PKN2: variants seen among roughly 807,000 people sequenced by gnomAD.
PKN2 encodes the protein serine/threonine-protein kinase N2.
A neutral mutation model predicts 119.1 loss-of-function variants in PKN2; 38 were observed. That is an observed-to-expected ratio of 0.32 (90% CI 0.25 to 0.42). The LOEUF (loss-of-function observed/expected upper bound fraction) is 0.42. Ranked by LOEUF, PKN2 falls within the 10% of genes least tolerant of loss-of-function variation. The probability of loss-of-function intolerance (pLI) is 1.00; values close to 1 mark genes in which losing one functional copy is unlikely to be tolerated. For missense variants in PKN2, 850 were observed against 1,165.1 expected (o/e 0.73, Z 3.94); for synonymous variants, 390 against 384.9 (o/e 1.01, Z -0.15).
rs572829041 is a variant in PKN2, at chr1:88,709,727, A to G, written c.48+25099A>G. Among the ~76,000 whole-genome samples, 4 of 152,332 alleles carry G rather than the reference A, an allele frequency of 2.6e-5. No homozygotes were observed. In the East Asian group the frequency reaches 7.7e-4, roughly 29 times the overall value. On this transcript the variant is annotated intron_variant, in intron 1 of 21. Coordinates refer to ENST00000370521, the MANE Select transcript of PKN2 (RefSeq NM_006256.4). The stretch of plus-strand genomic sequence containing the variant: ...TGAACAAAAGAACAGCATACATGTT[A>G]TTATTTATTCAAATTGTGTATTACT...
intron 1 of PKN2, among the ~76,000 whole-genome samples, chr1:88,713,657 C>T (rs1159821098): frequency 1.3e-5 from 2 of 152,040 alleles, no homozygotes; most frequent in African/African-American, 4.8e-5. Context: ...TGTTTAAGTT[C>T]TTTGTAGATT....
intron 1 of PKN2, among the ~76,000 whole-genome samples, chr1:88,720,458 ATTG>A (rs879647229): frequency 3.9e-5 from 6 of 152,034 alleles, no homozygotes; most frequent in East Asian, 1.9e-4. Context: ...GTTTGTCTCT[ATTG>A]TTGTCTTCAG....
At chr1:88,804,795 AT>A (rs1403617445) in intron 9 of PKN2, 50 bp from the exon 10 acceptor site, 1 of 1,016,750 alleles carries the variant, frequency 9.8e-7, no homozygotes, top group South Asian at 1.4e-5. Context: ...AATTTAGTAG[AT>A]TTCATGAACC....
chr1:88,788,796 T>C (rs1436810679), intron 8 of PKN2, among the ~76,000 whole-genome samples: 3 of 152,186 alleles, frequency 2.0e-5, no homozygotes, highest in African/African-American at 4.8e-5. Flanking sequence ...GTGTTCTTTC[T>C]ATTCTGTCGG....
chr1:88,826,709 A>G (rs1358004926), intron 18 of PKN2, among the ~76,000 whole-genome samples: 2 of 152,154 alleles, frequency 1.3e-5, no homozygotes, highest in African/African-American at 4.8e-5. Context: ...AACCTCCCAC[A>G]GTTAACAAAT....
intron 17 of PKN2, among the ~76,000 whole-genome samples, chr1:88,822,854 C>A (rs112526844): frequency 2.6e-5 from 4 of 151,992 alleles, no homozygotes; most frequent in African/African-American, 9.7e-5. Flanking sequence ...GCTGGGATTA[C>A]AGTTGTGAGC....
At chr1:88,757,456 AAT>A (rs1241044140) in intron 2 of PKN2, among the ~76,000 whole-genome samples, 6 of 152,208 alleles carry the variant, frequency 3.9e-5, no homozygotes, top group African/African-American at 1.4e-4. Flanking sequence ...AACAAATTAT[AAT>A]TGCATGTGTT....
Position 88,734,159 on chromosome 1 carries a change from T to TAA in PKN2, c.49-6812_49-6811dup, listed in dbSNP as rs79679723. Among the ~76,000 whole-genome samples, 1,249 of 140,582 alleles carry TAA rather than the reference T, an allele frequency of 8.9e-3. 17 individuals carry two copies. The highest frequency in any genetic ancestry group is 0.031 in the African/African-American group (1,186 of 38,604). 92.2% of individuals were successfully genotyped at this position (140,582 alleles called of 152,430 possible). On this transcript the variant is annotated intron_variant, in intron 1 of 21. Transcript: ENST00000370521. Reference sequence around the variant, plus strand: ...GGGTAACAGAGTGAGACCCTATCTTTAAAAAAAAAAAAAAAAAATTTGGAG... The same window carrying TAA: ...GGGTAACAGAGTGAGACCCTATCTTTAAAAAAAAAAAAAAAAAAAATTTGGAG...
At position 88,692,785 on chromosome 1, in the gene PKN2, T is replaced by C. The variant is rs371647826; in HGVS notation, c.48+8157T>C. Among the ~76,000 whole-genome samples, 5 of 152,340 alleles carry C rather than the reference T, an allele frequency of 3.3e-5. No homozygotes were observed. The East Asian group carries it at 9.6e-4, about 29-fold the overall frequency. On this transcript the variant is annotated intron_variant, in intron 1 of 21. Transcript: ENST00000370521. ...ATTGTGAATGTCTTCTTTCAGTTCC[T>C]AACTTTTTCGCTTTCTTTTATGGAG...
intron 1 of PKN2, among the ~76,000 whole-genome samples, chr1:88,723,481 G>A (rs1474242228): frequency 6.6e-6 from 1 of 150,498 alleles, no homozygotes; most frequent in African/African-American, 2.5e-5. Context: ...GAGTACAGTG[G>A]CGCGGTCTCG....
At chr1:88,822,295 G>A (rs1672325357) in intron 17 of PKN2, among the ~76,000 whole-genome samples, 1 of 152,026 alleles carries the variant, frequency 6.6e-6, no homozygotes, top group South Asian at 2.1e-4. Context: ...GCATTCAAAC[G>A]ACTCATTGCA....
chr1:88,809,769 A>G (rs1671705367), intron 15 of PKN2, among the ~76,000 whole-genome samples: 1 of 152,056 alleles, frequency 6.6e-6, no homozygotes, highest in Admixed American at 6.6e-5. Flanking sequence ...GGTGCATACA[A>G]CTGATCCATC....
chr1:88,810,937 A>G (rs12039491), intron 15 of PKN2, among the ~76,000 whole-genome samples: 1 of 152,308 alleles, frequency 6.6e-6, no homozygotes, highest in East Asian at 1.9e-4. Flanking sequence ...CAGTTCTCAT[A>G]GTCTAAATTT....
chr1:88,779,477 T>C (rs1670244302), intron 6 of PKN2, among the ~76,000 whole-genome samples: 1 of 151,982 alleles, frequency 6.6e-6, no homozygotes, highest in Admixed American at 6.6e-5. Context: ...ATTCTGCAAT[T>C]ATGTCCATCC....
Position 88,807,409 on chromosome 1 carries a change from G to C in PKN2, c.1900G>C (p.Glu634Gln). 1 of 1,610,552 alleles carries C rather than the reference G, an allele frequency of 6.2e-7. No individual in the cohort carries two copies. The highest frequency in any genetic ancestry group is 8.5e-7 in the Non-Finnish European group (1 of 1,178,372). Reference protein sequence around the residue: ...YKPDTPQSGLEYSGIQELEDR... With the variant: ...YKPDTPQSGLQYSGIQELEDR... ...GCCTGATACTCCTCAGTCAGGCCTA[G>C]AATATAGTGGTATTCAAGAACTTGA... The change falls in exon 13 of 22, where the codon GAA becomes CAA. Residue 634 changes from glutamate to glutamine, a missense_variant. This residue lies in a region of PKN2 where 216 missense variants were observed against 252.8 expected (regional missense o/e 0.85). Transcript: ENST00000370521.
intron 2 of PKN2, among the ~76,000 whole-genome samples, chr1:88,758,243 G>A (rs1236665505): frequency 6.6e-6 from 1 of 151,746 alleles, no homozygotes; most frequent in Non-Finnish European, 1.5e-5. Flanking sequence ...TTTACTCTAG[G>A]ACAAATTTAT....
Position 88,740,890 on chromosome 1 carries a change from G to A in PKN2, c.49-98G>A, listed in dbSNP as rs112394248. ...ATAATTAAATATAGTTAAATGTAAT[G>A]TAATCAAGAAAGACTCTCTTAGGCT... On this transcript the variant is annotated intron_variant, in intron 1 of 21. Coordinates refer to ENST00000370521, the MANE Select transcript of PKN2 (RefSeq NM_006256.4). 2,069 of 675,298 alleles carry A rather than the reference G, an allele frequency of 3.1e-3. 30 individuals carry two copies. The African/African-American group carries it at 0.034, about 11-fold the overall frequency. 41.8% of individuals were successfully genotyped at this position (675,298 alleles called of 1,614,324 possible). A position where few individuals can be genotyped will look rare whatever the true frequency, so the allele number is the denominator to read the frequency against.
intron 2 of PKN2, among the ~76,000 whole-genome samples, chr1:88,758,427 T>C (rs1669305274): frequency 6.6e-6 from 1 of 152,150 alleles, no homozygotes; most frequent in Non-Finnish European, 1.5e-5. Flanking sequence ...ATTTGTTATA[T>C]AAGTAAACTT....
At chr1:88,764,922 G>A (rs1487691328) in intron 3 of PKN2, among the ~76,000 whole-genome samples, 3 of 151,756 alleles carry the variant, frequency 2.0e-5, no homozygotes, top group Non-Finnish European at 4.4e-5. Context: ...TTGTTGTTTT[G>A]TTTTGTTTTG....
Sources: gnomAD v4.1 joint callset for allele counts (sites outside exome capture counted in the v4.1 genomes callset) on GRCh38, gnomAD v4.1.1 for gene constraint, gnomAD v4.1.1 regional missense constraint, MANE v1.5 for transcripts, NCBI Gene and HGNC (gene_info 2026-07-23, HGNC 2026-07-21) for gene names.